The following SIRT1 variants were observed in gnomAD, a reference collection of about 807,000 sequenced individuals.
SIRT1 encodes the protein sirtuin 1.
Under a neutral mutation model 67.9 loss-of-function variants are expected in SIRT1, and 24 were observed. The observed-to-expected ratio is 0.35, with a 90% CI of 0.26 to 0.50. The LOEUF (loss-of-function observed/expected upper bound fraction) is 0.50. Among genes scored for constraint, SIRT1 ranks in the 20% least tolerant of loss-of-function variants. The pLI is 0.98. For missense variants in SIRT1, 873 were observed against 937.2 expected (o/e 0.93, Z 0.89); for synonymous variants, 378 against 350.7 (o/e 1.08, Z -0.87).
Position 67,912,812 on chromosome 10 carries a change from T to G in SIRT1, c.1696T>G (p.Leu566Val). Reference protein sequence around the residue: ...LDQAAKSNDDLDVSESKGCME... With the variant: ...LDQAAKSNDDVDVSESKGCME... ...CCAAGCAGCTAAGAGTAATGATGAT[T>G]TAGATGTGTCTGAATCAAAAGGTTG... Residue 566 changes from leucine (L) to valine (V), a missense_variant, in exon 8 of 9, where the codon TTA becomes GTA. This residue lies in a region of SIRT1 where 295 missense variants were observed against 294.5 expected (regional missense o/e 1.00). Coordinates refer to ENST00000212015, the MANE Select transcript of SIRT1 (RefSeq NM_012238.5). 1.2e-6 allele frequency: 2 copies of G among 1,614,124 alleles called. No homozygotes were observed. Among genetic ancestry groups the G allele is most frequent in the Non-Finnish European group, 8.5e-7 (1 of 1,180,012 alleles).
intron 4 of SIRT1, among the ~76,000 whole-genome samples, chr10:67,900,584 A>G (rs191121315): frequency 6.6e-6 from 1 of 152,186 alleles, no homozygotes; most frequent in African/African-American, 2.4e-5. Flanking sequence ...AGCTAGTACT[A>G]CAGGTGTGCA....
At position 67,906,816 on chromosome 10, in the gene SIRT1, A is replaced by G. The variant is rs1269362483; in HGVS notation, c.969A>G (p.Pro323=). 5 of 1,612,828 alleles carry G rather than the reference A, an allele frequency of 3.1e-6. No individual in the cohort carries two copies. The highest frequency in any genetic ancestry group is 4.2e-6 in the Non-Finnish European group (5 of 1,179,680). ...AAATATATCCTGGACAATTCCAGCC[A>G]TCTCTCTGTCACAAATTCATAGCCT... The part of the protein sequence containing the change: ...AKEIYPGQFQ[P]SLCHKFIALS... Residue 323 remains proline (P), a synonymous_variant, in exon 5 of 9, where the codon CCA becomes CCG. Coordinates refer to ENST00000212015, the MANE Select transcript of SIRT1 (RefSeq NM_012238.5).
At chr10:67,901,201 G>A (rs536672711) in intron 4 of SIRT1, among the ~76,000 whole-genome samples, 54 of 152,018 alleles carry the variant, frequency 3.6e-4, no homozygotes, top group African/African-American at 1.3e-3. Context: ...CTGACACCCA[G>A]GCTGGACTGC....
At chr10:67,885,663 A>G (rs1842466818) in intron 1 of SIRT1, among the ~76,000 whole-genome samples, 1 of 152,034 alleles carries the variant, frequency 6.6e-6, no homozygotes, top group Non-Finnish European at 1.5e-5. Flanking sequence ...ACAATTTTTG[A>G]AAGAGGAAAG....
intron 4 of SIRT1, among the ~76,000 whole-genome samples, chr10:67,901,752 A>G (rs934686648): frequency 2.8e-4 from 43 of 152,240 alleles, no homozygotes; most frequent in African/African-American, 1.0e-3. Context: ...CTATGGCCTC[A>G]GTCCAAATGT....
At chr10:67,888,613 A>AT (rs1842522905) in intron 2 of SIRT1, among the ~76,000 whole-genome samples, 1 of 152,204 alleles carries the variant, frequency 6.6e-6, no homozygotes, top group African/African-American at 2.4e-5. Flanking sequence ...GATATTAACC[A>AT]TAAGAACTTA....
chr10:67,898,258 C>CAAAAAAAAAAAAAAAAAAAAAA (rs756541937), intron 4 of SIRT1, among the ~76,000 whole-genome samples: 1 of 66,746 alleles, frequency 1.5e-5, no homozygotes, highest in African/African-American at 4.2e-5. Context: ...GACTCTGTCT[C>CAAAAAAAAAAAAAAAAAAAAAA]AAAAAAAAAA....
At chr10:67,915,820 C>T (rs2029891603) in intron 8 of SIRT1, among the ~76,000 whole-genome samples, 1 of 152,018 alleles carries the variant, frequency 6.6e-6, no homozygotes. Context: ...GTGAAATAAC[C>T]TTTATTGAAT....
Position 67,885,130 on chromosome 10 carries a change from G to A in SIRT1, c.409G>A (p.Ala137Thr). ...DEGEEEEEAA[A>T]AAIGYRDNLL... ...GGGCGAGGAGGAGGAAGAGGCGGCG[G>A]CGGCGGCGATTGGGTACCGAGGTGC... Residue 137 changes from alanine (A) to threonine (T), a missense_variant, in exon 1 of 9, where the codon GCG becomes ACG. This residue lies in a region of SIRT1 where 327 missense variants were observed against 283.9 expected (regional missense o/e 1.15). Coordinates refer to ENST00000212015, the MANE Select transcript of SIRT1 (RefSeq NM_012238.5). 1 of 1,435,074 alleles carries A rather than the reference G, an allele frequency of 7.0e-7. No individual in the cohort carries two copies. The highest frequency in any genetic ancestry group is 9.2e-7 in the Non-Finnish European group (1 of 1,089,350). The allele number at this position is 1,435,074 out of a possible 1,614,324, so 88.9% of individuals were successfully genotyped here.
At position 67,884,918 on chromosome 10, in the gene SIRT1, G is replaced by A; in HGVS notation, c.197G>A (p.Gly66Asp). 4 of 1,235,128 alleles carry A rather than the reference G, an allele frequency of 3.2e-6. No individual in the cohort carries two copies. The highest frequency in any genetic ancestry group is 4.0e-6 in the Non-Finnish European group (4 of 990,196). The allele number at this position is 1,235,128 out of a possible 1,614,324, so 76.5% of individuals were successfully genotyped here. ...CGTGAGGTGCCGGCGGCGGCCAGGG[G>A]CTGCCCGGGTGCGGCGGCGGCGGCG... Reference protein sequence around the residue: ...PEREVPAAARGCPGAAAAALW... With the variant: ...PEREVPAAARDCPGAAAAALW... The change falls in exon 1 of 9, where the codon GGC becomes GAC. Residue 66 changes from glycine to aspartate, a missense_variant. Physicochemically the swap from Gly to Asp is moderately conservative, Grantham distance 94. This residue lies in a region of SIRT1 where 327 missense variants were observed against 283.9 expected (regional missense o/e 1.15). Transcript: ENST00000212015.
chr10:67,911,078 TAAAGTA>T (rs1439492104), intron 7 of SIRT1, among the ~76,000 whole-genome samples: 15 of 152,346 alleles, frequency 9.8e-5, no homozygotes, highest in South Asian at 4.1e-4. Context: ...GAAATTCTGT[TAAAGTA>T]GAATACAAGA....
chr10:67,916,212 G>A, intron 8 of SIRT1, 53 bp from the exon 9 acceptor site: 2 of 1,483,042 alleles, frequency 1.3e-6, no homozygotes, highest in Non-Finnish European at 1.8e-6. Flanking sequence ...AGACTGCTCA[G>A]ACTGAGTTAG....
At position 67,916,294 on chromosome 10, in the gene SIRT1, C is replaced by G; in HGVS notation, c.1945C>G (p.Arg649Gly). Residue 649 changes from arginine to glycine, a missense_variant, in exon 9 of 9, where the codon CGT becomes GGT. Around this residue, in one of 3 missense-constraint regions of SIRT1, gnomAD observed 295 missense variants for 294.5 expected, o/e 1.00. Coordinates refer to ENST00000212015, the MANE Select transcript of SIRT1 (RefSeq NM_012238.5). ...GNQYLFLPPN[R>G]YIFHGAEVYS... ...TCAGTATCTGTTTTTGCCACCAAATCGTTACATTTTCCATGGCGCTGAGGT... is the reference window on the plus strand; with the variant it reads ...TCAGTATCTGTTTTTGCCACCAAATGGTTACATTTTCCATGGCGCTGAGGT... 6.3e-7 allele frequency: 1 copy of G among 1,599,238 alleles called. No individual in the cohort carries two copies. The highest frequency in any genetic ancestry group is 8.6e-7 in the Non-Finnish European group (1 of 1,167,968).
chr10:67,896,212 T>TG (rs1463393257), intron 4 of SIRT1, among the ~76,000 whole-genome samples: 2 of 152,202 alleles, frequency 1.3e-5, no homozygotes, highest in African/African-American at 4.8e-5. Flanking sequence ...GTTGCAGCCT[T>TG]GAACTCCTGG....
chr10:67,884,812 G>A lies in SIRT1; in HGVS notation c.91G>A (p.Glu31Lys). Residue 31 changes from glutamate to lysine, a missense_variant, in exon 1 of 9, where the codon GAG (glutamate) becomes AAG (lysine). Coordinates refer to ENST00000212015, the MANE Select transcript of SIRT1 (RefSeq NM_012238.5). ...DREAASSPAG[E>K]PLRKRPRRDG... ...GGAGGCCGCGTCGTCCCCCGCCGGG[G>A]AGCCGCTCCGCAAGAGGCCGCGGAG... is the stretch of plus-strand genomic sequence containing the variant. 4 of 1,225,466 alleles carry A rather than the reference G, an allele frequency of 3.3e-6. No individual in the cohort carries two copies. The highest frequency in any genetic ancestry group is 4.1e-6 in the Non-Finnish European group (4 of 983,900). The allele number at this position is 1,225,466 out of a possible 1,614,324, so 75.9% of individuals were successfully genotyped here. A position where few individuals can be genotyped will look rare whatever the true frequency, so the allele number is the denominator to read the frequency against.
At chr10:67,886,748 G>T (rs961085067) in intron 1 of SIRT1, among the ~76,000 whole-genome samples, 4 of 151,946 alleles carry the variant, frequency 2.6e-5, no homozygotes, top group Non-Finnish European at 5.9e-5. Flanking sequence ...CGTGCGCATT[G>T]CCAAGGTTAT....
At chr10:67,888,743 C>A (rs769980749) in intron 2 of SIRT1, 139 bp from the exon 3 acceptor site, 2 of 902,762 alleles carry the variant, frequency 2.2e-6, no homozygotes, top group Non-Finnish European at 3.3e-6. Context: ...CTGAGTGTAC[C>A]GAGAATGAAA....
At chr10:67,898,802 C>T (rs1842698319) in intron 4 of SIRT1, among the ~76,000 whole-genome samples, 1 of 152,138 alleles carries the variant, frequency 6.6e-6, no homozygotes, top group Non-Finnish European at 1.5e-5. Context: ...CACCTCTGCA[C>T]ACCAGCCTGA....
intron 4 of SIRT1, among the ~76,000 whole-genome samples, chr10:67,901,895 C>G (rs180688070): frequency 3.9e-4 from 59 of 152,346 alleles, no homozygotes; most frequent in Middle Eastern, 3.4e-3. Flanking sequence ...ATGGCTAACT[C>G]AAGCTAATAT....
Sources: gnomAD v4.1 joint callset for allele counts (sites outside exome capture counted in the v4.1 genomes callset) on GRCh38, gnomAD v4.1.1 for gene constraint, gnomAD v4.1.1 regional missense constraint, MANE v1.5 for transcripts, NCBI Gene and HGNC (gene_info 2026-07-23, HGNC 2026-07-21) for gene names.